CCDC63: variants seen among roughly 807,000 people sequenced by gnomAD.
The protein encoded by CCDC63 is coiled-coil domain-containing protein 63.
CCDC63 carries 54 observed loss-of-function variants against 63.6 expected under a neutral mutation model. The observed-to-expected ratio is 0.85, with a 90% CI of 0.68 to 1.07. The LOEUF (loss-of-function observed/expected upper bound fraction) is 1.07. Ranked by LOEUF, CCDC63 falls within the 50% of genes least tolerant of loss-of-function variation. CCDC63 has a pLI of 0.00. For synonymous variants in CCDC63, 253 were observed against 266.1 expected (o/e 0.95, Z 0.48); for missense variants, 637 against 689.6 (o/e 0.92, Z 0.86).
intron 3 of CCDC63, among the ~76,000 whole-genome samples, chr12:110,854,213 A>G (rs897545389): frequency 6.9e-6 from 1 of 144,208 alleles, no homozygotes; most frequent in Non-Finnish European, 1.5e-5. Context: ...AAGATAGAAT[A>G]TTTGAAATTG....
rs1274261793 is a variant in CCDC63, at chr12:110,853,393, C to T, written c.10-12C>T. ...CCCACTACGGCCTCCCACTCCTCTC[C>T]ATCTCCCCCAGTTGAAGAAGAACAG... On this transcript the variant is annotated splice_polypyrimidine_tract_variant and intron_variant, in intron 2 of 11. Transcript: ENST00000308208. The T allele has an allele frequency of 6.2e-7, 1 of 1,605,102 alleles. No homozygotes were observed. The highest frequency in any genetic ancestry group is 8.5e-7 in the Non-Finnish European group (1 of 1,177,212).
chr12:110,865,843 A>G (rs1056096223), intron 4 of CCDC63, among the ~76,000 whole-genome samples: 1 of 152,234 alleles, frequency 6.6e-6, no homozygotes, highest in Non-Finnish European at 1.5e-5. Flanking sequence ...TGCATCTTCT[A>G]CTTTCCTCCC....
At chr12:110,888,994 C>T (rs889066660) in intron 8 of CCDC63, among the ~76,000 whole-genome samples, 5 of 152,062 alleles carry the variant, frequency 3.3e-5, no homozygotes, top group Non-Finnish European at 7.4e-5. Context: ...ATCTCAGCCT[C>T]CAGAGTGGCT....
At chr12:110,878,751 T>A (rs1209245902) in intron 5 of CCDC63, among the ~76,000 whole-genome samples, 1 of 152,222 alleles carries the variant, frequency 6.6e-6, no homozygotes, top group Non-Finnish European at 1.5e-5. Context: ...TTTGGGTGTA[T>A]GCCCAGGAGA....
intron 4 of CCDC63, among the ~76,000 whole-genome samples, chr12:110,860,639 G>C (rs2070841356): frequency 6.6e-6 from 1 of 152,044 alleles, no homozygotes; most frequent in Admixed American, 6.6e-5. Flanking sequence ...GCCCAGGCTG[G>C]AGTGTAGCGG....
rs184847260 is a variant in CCDC63, at chr12:110,856,931, C to G, written c.180-1655C>G. ...TGGCACGATCTCAGCTCACTGCAAC[C>G]TCTGCCACCTGGGCTCAAGCAATCC... On this transcript the variant is annotated intron_variant, in intron 3 of 11. Coordinates refer to ENST00000308208, the MANE Select transcript of CCDC63 (RefSeq NM_152591.3). 3.3e-5 allele frequency among the ~76,000 whole-genome samples: 5 copies of G among 150,524 alleles called. No homozygotes were observed. In the East Asian group the frequency reaches 9.8e-4, roughly 29 times the overall value.
intron 4 of CCDC63, among the ~76,000 whole-genome samples, chr12:110,868,985 G>A: frequency 6.6e-6 from 1 of 152,082 alleles, no homozygotes. Context: ...ACTTTTTGCA[G>A]CCCACTAGTG....
At chr12:110,883,414 G>GC (rs1163518372) in intron 7 of CCDC63, among the ~76,000 whole-genome samples, 1 of 152,180 alleles carries the variant, frequency 6.6e-6, no homozygotes, top group Non-Finnish European at 1.5e-5. Context: ...CTCAACCCCT[G>GC]TGCTGGGATT....
chr12:110,875,445 A>C (rs1284363047), intron 5 of CCDC63, among the ~76,000 whole-genome samples: 1 of 151,832 alleles, frequency 6.6e-6, no homozygotes, highest in Admixed American at 6.6e-5. Context: ...CTATAGGTAT[A>C]ATTTTTTTTT....
intron 7 of CCDC63, among the ~76,000 whole-genome samples, chr12:110,883,615 T>C (rs1483041219): frequency 3.3e-5 from 5 of 151,888 alleles, no homozygotes; most frequent in Admixed American, 6.6e-5. Context: ...TTTTTTTGTT[T>C]GTTTGTTTGT....
chr12:110,903,865 G>T (rs1406752522), intron 10 of CCDC63, among the ~76,000 whole-genome samples: 3 of 152,198 alleles, frequency 2.0e-5, no homozygotes, highest in African/African-American at 7.2e-5. Flanking sequence ...GAACACTGGG[G>T]CAAGCCAGGA....
In CCDC63 at chr12:110,871,564, C is replaced by CT. The variant is rs1412580886; in HGVS notation, c.370-2265dup. The stretch of plus-strand genomic sequence containing the variant: ...CCTCCCTCCCTCCCTTCCTTCCTTC[C>CT]TTTTTTTTTTTTTGAGACAGAGACT... On this transcript the variant is annotated intron_variant, in intron 4 of 11. Coordinates refer to ENST00000308208, the MANE Select transcript of CCDC63 (RefSeq NM_152591.3). Among the ~76,000 whole-genome samples the CT allele has an allele frequency of 4.7e-3, 642 of 137,334 alleles. 5 individuals carry two copies. Among genetic ancestry groups the CT allele is most frequent in the South Asian group, 0.032 (134 of 4,220 alleles). 90.1% of individuals were successfully genotyped at this position (137,334 alleles called of 152,430 possible). A position where few individuals can be genotyped will look rare whatever the true frequency, so the allele number is the denominator to read the frequency against.
chr12:110,856,492 G>A (rs1048329803), intron 3 of CCDC63, among the ~76,000 whole-genome samples: 1 of 152,090 alleles, frequency 6.6e-6, no homozygotes, highest in Non-Finnish European at 1.5e-5. Context: ...GCTTAAGCAG[G>A]GCAGAAGAGT....
chr12:110,898,572 C>G (rs1200443528), intron 9 of CCDC63, among the ~76,000 whole-genome samples: 4 of 147,758 alleles, frequency 2.7e-5, no homozygotes, highest in Non-Finnish European at 5.9e-5. Context: ...GAGCTGAGAT[C>G]ATGCCACTGC....
intron 8 of CCDC63, among the ~76,000 whole-genome samples, chr12:110,884,773 A>G (rs1593680878): frequency 6.8e-6 from 1 of 147,064 alleles, no homozygotes; most frequent in Admixed American, 6.8e-5. Flanking sequence ...TGCAACCTCC[A>G]CCTCCCCGGT....
chr12:110,859,900 C>A (rs937411720), intron 4 of CCDC63, among the ~76,000 whole-genome samples: 4 of 151,998 alleles, frequency 2.6e-5, no homozygotes, highest in Admixed American at 6.6e-5. Flanking sequence ...TTATGCTCCC[C>A]CACTCCCACC....
intron 9 of CCDC63, among the ~76,000 whole-genome samples, chr12:110,895,129 T>C (rs2071402560): frequency 6.9e-6 from 1 of 145,642 alleles, no homozygotes; most frequent in African/African-American, 2.6e-5. Context: ...ATTAATTAAT[T>C]TTGAGACGGA....
At chr12:110,896,498 T>C (rs2071417245) in intron 9 of CCDC63, among the ~76,000 whole-genome samples, 1 of 152,086 alleles carries the variant, frequency 6.6e-6, no homozygotes, top group African/African-American at 2.4e-5. Context: ...GGGGTGTGAA[T>C]AGGGCCGACC....
intron 11 of CCDC63, among the ~76,000 whole-genome samples, chr12:110,905,997 TATATATTATATA>T (rs1566144676): frequency 5.5e-4 from 36 of 66,008 alleles, no homozygotes; most frequent in African/African-American, 2.2e-3. Flanking sequence ...ATTATTATAA[TATATATTATATA>T]ATATAATATA....
Sources: allele counts gnomAD v4.1 joint callset (sites outside exome capture counted in the v4.1 genomes callset), GRCh38; gene constraint gnomAD v4.1.1; transcripts MANE v1.5; gene names NCBI Gene and HGNC (gene_info 2026-07-23, HGNC 2026-07-21).